Variants in PACS2 observed in about 807,000 individuals in gnomAD.
PACS2 encodes phosphofurin acidic cluster sorting protein 2, also known as PACS1-like protein.
A neutral mutation model predicts 113.0 loss-of-function variants in PACS2; 36 were observed. The observed-to-expected ratio is 0.32, with a 90% CI of 0.24 to 0.42. The LOEUF is 0.42. Ranked by LOEUF, PACS2 falls within the 10% of genes least tolerant of loss-of-function variation. The pLI is 1.00. For synonymous variants in PACS2, 589 were observed against 536.1 expected, an observed-to-expected ratio of 1.10 and a Z score of -1.36; for missense variants, 1,015 against 1,239.5, an observed-to-expected ratio of 0.82 and a Z score of 2.72.
chr14:105,320,807 T>C (rs368584715), intron 1 of PACS2, among the ~76,000 whole-genome samples: 32 of 152,372 alleles, frequency 2.1e-4, no homozygotes, highest in African/African-American at 7.0e-4. Flanking sequence ...GTATAGCTTA[T>C]GTAAAATTGG....
chr14:105,345,924 C>T (rs1359927852), intron 1 of PACS2, among the ~76,000 whole-genome samples: 2 of 152,182 alleles, frequency 1.3e-5, no homozygotes, highest in Admixed American at 1.3e-4. Flanking sequence ...CAGGCCAGGC[C>T]CTTCCGCGTT....
In PACS2 at chr14:105,385,714, T is replaced by C. The variant is rs2081154141; in HGVS notation, c.2030T>C (p.Leu677Pro). 6.6e-7 allele frequency: 1 copy of C among 1,515,324 alleles called. No individual in the cohort carries two copies. The highest frequency in any genetic ancestry group is 1.4e-5 in the African/African-American group (1 of 72,492). The allele number at this position is 1,515,324 out of a possible 1,614,324, so 93.9% of individuals were successfully genotyped here. A position where few individuals can be genotyped will look rare whatever the true frequency, so the allele number is the denominator to read the frequency against. Residue 677 changes from leucine to proline, a missense_variant, in exon 19 of 25, where the codon CTA becomes CCA. Leu to Pro is a moderately conservative substitution (Grantham distance 98). Transcript: ENST00000447393. Reference protein sequence around the residue: ...RKKHFHFDFTLSPDEESSQKF... With the variant: ...RKKHFHFDFTPSPDEESSQKF... ...AAGCATTTTCATTTTGACTTTACCCTAAGGTACGGCTCTGTGGGTCTGCCT... is the reference window on the plus strand; with the variant it reads ...AAGCATTTTCATTTTGACTTTACCCCAAGGTACGGCTCTGTGGGTCTGCCT...
chr14:105,370,996 C>A (rs1452500669), intron 8 of PACS2: 2 of 152,304 alleles, frequency 1.3e-5, no homozygotes, highest in African/African-American at 4.8e-5. Flanking sequence ...GTAGATGGCG[C>A]TGTGTCCTAA....
At chr14:105,374,154 C>CAA (rs113355593) in intron 8 of PACS2, among the ~76,000 whole-genome samples, 60 of 81,814 alleles carry the variant, frequency 7.3e-4, no homozygotes, top group Middle Eastern at 7.4e-3. Context: ...GACTCTGTCT[C>CAA]AAAAAAAAAA....
rs781979650 is a variant in PACS2 at position 105,391,645 on chromosome 14, G to T, written c.2134G>T (p.Ala712Ser). 6.2e-7 allele frequency: 1 copy of T among 1,610,056 alleles called. No individual in the cohort carries two copies. ...CCTCCCCAAAGGCGACTCGGACGACGCGGCCCCCTCGGGCTCTGGCACGCT... is the reference window on the plus strand; with the variant it reads ...CCTCCCCAAAGGCGACTCGGACGACTCGGCCCCCTCGGGCTCTGGCACGCT... Reference protein sequence around the residue: ...SSATSGDSDDAAPSGSGTLSS... With the variant: ...SSATSGDSDDSAPSGSGTLSS... The change falls in exon 22 of 25, where the codon GCG becomes TCG. Residue 712 changes from alanine (A) to serine (S), a missense_variant. Around this residue, in one of 3 missense-constraint regions of PACS2, gnomAD observed 859 missense variants for 1,056.8 expected, o/e 0.81. Transcript: ENST00000447393.
At chr14:105,321,597 A>G (rs1407873774) in intron 1 of PACS2, among the ~76,000 whole-genome samples, 2 of 152,090 alleles carry the variant, frequency 1.3e-5, no homozygotes, top group Admixed American at 1.3e-4. Flanking sequence ...TCTTGGGCTC[A>G]AGCAGTCTAC....
At position 105,394,056 on chromosome 14, in the gene PACS2, A is replaced by G. The variant is rs782226019; in HGVS notation, c.2597-498A>G. Among the ~76,000 whole-genome samples, 138 of 144,678 alleles carry G rather than the reference A, an allele frequency of 9.5e-4. 1 individual carries two copies. The highest frequency in any genetic ancestry group is 6.3e-3 in the East Asian group (32 of 5,102). 94.9% of individuals were successfully genotyped at this position (144,678 alleles called of 152,430 possible). A position where few individuals can be genotyped will look rare whatever the true frequency, so the allele number is the denominator to read the frequency against. On this transcript the variant is annotated intron_variant, in intron 24 of 24. Transcript: ENST00000447393. ...CCGCCTCAAAAAAAAAAAAAAAAAAAGGGGTTTTGGAGAAGATACTCTGCA... is the reference window on the plus strand; with the variant it reads ...CCGCCTCAAAAAAAAAAAAAAAAAAGGGGGTTTTGGAGAAGATACTCTGCA...
intron 9 of PACS2, among the ~76,000 whole-genome samples, chr14:105,377,352 G>A (rs587610173): frequency 6.6e-6 from 1 of 152,160 alleles, no homozygotes; most frequent in African/African-American, 2.4e-5. Context: ...CAGGTGGGGA[G>A]GGGGAGGGCA....
In PACS2 at chr14:105,381,990, G is replaced by T; in HGVS notation, c.1345G>T (p.Glu449Ter). 6.5e-7 allele frequency: 1 copy of T among 1,550,220 alleles called. No individual in the cohort carries two copies. Among genetic ancestry groups the T allele is most frequent in the South Asian group, 1.2e-5 (1 of 84,030 alleles). ...KERQAARPQN[E>*]RANSLDNERC... ...GCGGCAGGCAGCACGGCCCCAGAAT[G>T]AGCGGGCCAACAGCCTGGACAACGA... Residue 449 changes from glutamate to a stop codon, truncating the protein, a stop_gained, in exon 13 of 25, where the codon GAG (glutamate) becomes TAG (stop). Coordinates refer to ENST00000447393, the MANE Select transcript of PACS2 (RefSeq NM_001100913.3). LOFTEE classifies it high-confidence loss of function.
intron 3 of PACS2, among the ~76,000 whole-genome samples, chr14:105,353,680 A>G (rs896798875): frequency 2.6e-5 from 4 of 151,448 alleles, no homozygotes; most frequent in Admixed American, 6.6e-5. Flanking sequence ...TGCAACCTCC[A>G]CCTCCCGAGT....
intron 3 of PACS2, among the ~76,000 whole-genome samples, chr14:105,353,004 C>CA (rs1555404462): frequency 1.2e-4 from 16 of 129,334 alleles, no homozygotes; most frequent in South Asian, 2.6e-4. Flanking sequence ...CGGGCCCCCT[C>CA]ATCACTGTCC....
At chr14:105,389,871 G>A (rs1031332427) in intron 19 of PACS2, 90 bp from the exon 20 acceptor site, 1 of 1,207,364 alleles carries the variant, frequency 8.3e-7, no homozygotes, top group Non-Finnish European at 1.2e-6. Context: ...CCCCAGGGCT[G>A]CGCCAGGTTC....
At chr14:105,377,451 C>T (rs1436138176) in intron 9 of PACS2, among the ~76,000 whole-genome samples, 1 of 152,016 alleles carries the variant, frequency 6.6e-6, no homozygotes, top group African/African-American at 2.4e-5. Context: ...CAGCTCTGTG[C>T]ATGGGTCTGG....
chr14:105,381,856 C>T, intron 12 of PACS2, 58 bp from the exon 13 acceptor site: 5 of 1,490,416 alleles, frequency 3.4e-6, no homozygotes, highest in Non-Finnish European at 4.5e-6. Context: ...GCCCCTGCCT[C>T]TGCCCCTGTT....
At chr14:105,390,775 G>A (rs1287694594) in intron 20 of PACS2, 2 of 239,972 alleles carry the variant, frequency 8.3e-6, no homozygotes, top group South Asian at 6.0e-5. Context: ...CACTGTGCTC[G>A]GGCACACAGG....
At chr14:105,304,298 T>A (rs909398351) in intron 1 of PACS2, among the ~76,000 whole-genome samples, 7 of 152,110 alleles carry the variant, frequency 4.6e-5, no homozygotes, top group African/African-American at 1.7e-4. Context: ...AAGACCGTCC[T>A]GGCCAACATG....
chr14:105,376,131 C>T lies in PACS2; in HGVS notation c.802-637C>T, dbSNP rs73361050. On this transcript the variant is annotated intron_variant, in intron 8 of 24. Coordinates refer to ENST00000447393, the MANE Select transcript of PACS2 (RefSeq NM_001100913.3). The surrounding 1 kb of genome is among the most constrained non-coding windows in gnomAD (Gnocchi z 4.7). ...TATCATGAGAACAGCGTGGAGGAAA[C>T]CACCCCCAGGATCCAGTTACCTCCA... is the stretch of plus-strand genomic sequence containing the variant. Among the ~76,000 whole-genome samples the T allele has an allele frequency of 6.6e-6, 1 of 152,050 alleles. No homozygotes were observed. Among genetic ancestry groups the T allele is most frequent in the Non-Finnish European group, 1.5e-5 (1 of 68,014 alleles).
Position 105,356,350 on chromosome 14 carries a change from C to T in PACS2, c.423+1173C>T, listed in dbSNP as rs1555405304. Reference sequence around the variant, plus strand: ...AGGAAGCAGCAGTGGCGTCCCGAGGCCTCGCTTCTCCGTGCCGCCGCAGGG... The same window carrying T: ...AGGAAGCAGCAGTGGCGTCCCGAGGTCTCGCTTCTCCGTGCCGCCGCAGGG... On this transcript the variant is annotated intron_variant, in intron 4 of 24. Coordinates refer to ENST00000447393, the MANE Select transcript of PACS2 (RefSeq NM_001100913.3). This position sits in a 1 kb window ranked among gnomAD's most constrained non-coding sequence, Gnocchi z 4.0. Among the ~76,000 whole-genome samples the T allele has an allele frequency of 6.6e-6, 1 of 152,222 alleles. No homozygotes were observed. The highest frequency in any genetic ancestry group is 2.4e-5 in the African/African-American group (1 of 41,460).
Position 105,380,256 on chromosome 14 carries a change from C to T in PACS2, c.1125+102C>T, listed in dbSNP as rs1416418586. On this transcript the variant is annotated intron_variant, in intron 11 of 24. Coordinates refer to ENST00000447393, the MANE Select transcript of PACS2 (RefSeq NM_001100913.3). ...GGGGCGGGGCCCACATATAGGTCCT[C>T]ATGTCACACCTGGTGTGCAGAGGTG... is the stretch of plus-strand genomic sequence containing the variant. The T allele has an allele frequency of 1.5e-5, 14 of 926,702 alleles. No homozygotes were observed. The East Asian group carries it at 1.8e-4, about 12-fold the overall frequency. The allele number at this position is 926,702 out of a possible 1,614,324, so 57.4% of individuals were successfully genotyped here. A position where few individuals can be genotyped will look rare whatever the true frequency, so the allele number is the denominator to read the frequency against.
Sources: gnomAD v4.1 joint callset for allele counts (sites outside exome capture counted in the v4.1 genomes callset) on GRCh38, gnomAD v4.1.1 for gene constraint, gnomAD v4.1.1 regional missense constraint, Gnocchi (gnomAD v3.1) non-coding constraint, MANE v1.5 for transcripts, NCBI Gene and HGNC (gene_info 2026-07-23, HGNC 2026-07-21) for gene names.